FSD1L: variants seen among roughly 807,000 people sequenced by gnomAD.
FSD1L encodes the protein fibronectin type III and SPRY domain containing 1 like, also known as FSD1-like protein.
In FSD1L, 45 loss-of-function variants were observed where a neutral mutation model predicts 71.6. The ratio of observed to expected loss-of-function variants is 0.63; its 90% confidence interval spans 0.49 to 0.81. The LOEUF (loss-of-function observed/expected upper bound fraction) is 0.81, where lower values mean the gene tolerates loss of function less well. Ranked by LOEUF, FSD1L falls within the 30% of genes least tolerant of loss-of-function variation. The pLI is 0.00. For missense variants in FSD1L, 561 were observed against 618.1 expected, an observed-to-expected ratio of 0.91 and a Z score of 0.98; for synonymous variants, 197 against 207.2, an observed-to-expected ratio of 0.95 and a Z score of 0.42.
intron 10 of FSD1L, chr9:105,520,924 G>C: frequency 2.5e-6 from 4 of 1,612,010 alleles, no homozygotes; most frequent in Non-Finnish European, 3.4e-6. Flanking sequence ...CAGGTAAAAA[G>C]TTTAGAATGG....
chr9:105,450,419 A>G (rs1195759939), intron 1 of FSD1L, among the ~76,000 whole-genome samples: 1 of 152,126 alleles, frequency 6.6e-6, no homozygotes. Flanking sequence ...CTCCAGTTCT[A>G]CTATTTATAA....
intron 7 of FSD1L, among the ~76,000 whole-genome samples, chr9:105,497,987 G>A (rs1443975873): frequency 6.6e-6 from 1 of 151,992 alleles, no homozygotes; most frequent in Non-Finnish European, 1.5e-5. Flanking sequence ...AGGACTACAG[G>A]CATGTGCTAC....
At chr9:105,506,375 C>CTTTTTTTTTT in intron 7 of FSD1L, 24 bp from the exon 8 acceptor site, 2 of 1,137,654 alleles carry the variant, frequency 1.8e-6, no homozygotes, top group Non-Finnish European at 1.2e-6. Flanking sequence ...ATGAATGAGT[C>CTTTTTTTTTT]TTTTTTTTTT....
chr9:105,452,817 C>T (rs1408730849), intron 1 of FSD1L, among the ~76,000 whole-genome samples: 1 of 151,854 alleles, frequency 6.6e-6, no homozygotes, highest in Non-Finnish European at 1.5e-5. Flanking sequence ...CCATGGCAAC[C>T]TCTGCTTTCT....
chr9:105,524,272 T>G, intron 10 of FSD1L: 1 of 1,612,626 alleles, frequency 6.2e-7, no homozygotes, highest in South Asian at 1.1e-5. Flanking sequence ...TGTAACATGC[T>G]TCACATGCTG....
Position 105,506,396 on chromosome 9 carries a change from C to G in FSD1L, c.587-3C>G. 1 of 1,530,470 alleles carries G rather than the reference C, an allele frequency of 6.5e-7. No homozygotes were observed. Among genetic ancestry groups the G allele is most frequent in the Admixed American group, 2.1e-5 (1 of 48,124 alleles). 94.8% of individuals were successfully genotyped at this position (1,530,470 alleles called of 1,614,324 possible). A position where few individuals can be genotyped will look rare whatever the true frequency, so the allele number is the denominator to read the frequency against. The stretch of plus-strand genomic sequence containing the variant: ...GAGTCTTTTTTTTTTTTCTTCTTTG[C>G]AGTCCCCAAAGCTCCAGAGATAGAT... On this transcript the variant is annotated splice_polypyrimidine_tract_variant and splice_region_variant and intron_variant, in intron 7 of 13. Transcript: ENST00000481272.
intron 10 of FSD1L, among the ~76,000 whole-genome samples, chr9:105,532,981 A>G (rs540315888): frequency 3.3e-5 from 5 of 152,314 alleles, no homozygotes; most frequent in Admixed American, 2.6e-4. Flanking sequence ...TTTAAGTTTT[A>G]TCTGTATTCT....
At chr9:105,531,115 G>T (rs2131470546) in intron 10 of FSD1L, among the ~76,000 whole-genome samples, 1 of 152,188 alleles carries the variant, frequency 6.6e-6, no homozygotes, top group African/African-American at 2.4e-5. Context: ...TACCTCAGTG[G>T]CTCCTAGCCC....
intron 2 of FSD1L, 46 bp downstream of exon 2, chr9:105,461,661 T>C (rs1273754222): frequency 8.5e-7 from 1 of 1,172,898 alleles, no homozygotes; most frequent in East Asian, 2.6e-5. Flanking sequence ...GAAGATCTGA[T>C]TCAAAATTAG....
chr9:105,460,540 C>T (rs559104513), intron 1 of FSD1L, among the ~76,000 whole-genome samples: 5 of 144,602 alleles, frequency 3.5e-5, no homozygotes, highest in South Asian at 4.3e-4. Flanking sequence ...TGCAGTGAGC[C>T]GAGATTGCAC....
At chr9:105,450,090 CCAGTT>C (rs1366111281) in intron 1 of FSD1L, among the ~76,000 whole-genome samples, 2 of 152,192 alleles carry the variant, frequency 1.3e-5, no homozygotes, top group African/African-American at 4.8e-5. Flanking sequence ...ATGTGTATAA[CCAGTT>C]CAGTGCTCTG....
At chr9:105,525,832 A>C in intron 10 of FSD1L, 2 of 1,605,352 alleles carry the variant, frequency 1.2e-6, no homozygotes, top group South Asian at 2.2e-5. Flanking sequence ...ACAAAAAAAC[A>C]AAAGCACTGG....
intron 5 of FSD1L, 57 bp from the exon 6 acceptor site, chr9:105,479,297 A>T: frequency 6.6e-7 from 1 of 1,508,410 alleles, no homozygotes; most frequent in Non-Finnish European, 9.0e-7. Flanking sequence ...CTGCCATTGA[A>T]ACTTGCATGA....
At position 105,547,377 on chromosome 9, in the gene FSD1L, TA is replaced by T. The variant is rs1370132629; in HGVS notation, c.*897del. The T allele has an allele frequency of 2.0e-5, 3 of 152,496 alleles. No homozygotes were observed. Among genetic ancestry groups the T allele is most frequent in the Admixed American group, 1.3e-4 (2 of 15,258 alleles). 9.4% of individuals were successfully genotyped at this position (152,496 alleles called of 1,614,324 possible). A position where few individuals can be genotyped will look rare whatever the true frequency, so the allele number is the denominator to read the frequency against. On this transcript the variant is annotated 3_prime_UTR_variant, in exon 14 of 14. Transcript: ENST00000481272. ...ATCTCTTATAGGAATCAAAGTTTAT[TA>T]AAGTTACATAGAGGATTGAAAAATG...
At chr9:105,447,324 C>CAAAAAAAAA (rs35514046), upstream of FSD1L, among the ~76,000 whole-genome samples, 4 of 61,556 alleles carry the variant, frequency 6.5e-5, no homozygotes, top group Admixed American at 2.4e-4. Flanking sequence ...ACTCCATCTC[C>CAAAAAAAAA]AAAAAAAAAA....
rs938187204 is a variant in FSD1L, at chr9:105,550,095, G to A, written c.*3612G>A. ...GTGTTTGTGATATGGCAGTAAAAATGTGATTACTTTGTATGTACATTAACC... is the reference window on the plus strand; with the variant it reads ...GTGTTTGTGATATGGCAGTAAAAATATGATTACTTTGTATGTACATTAACC... On this transcript the variant is annotated 3_prime_UTR_variant, in exon 14 of 14. Transcript: ENST00000481272. 6.6e-6 allele frequency: 1 copy of A among 151,984 alleles called. No individual in the cohort carries two copies. The highest frequency in any genetic ancestry group is 2.4e-5 in the African/African-American group (1 of 41,426). The allele number at this position is 151,984 out of a possible 1,614,324, so 9.4% of individuals were successfully genotyped here.
At chr9:105,520,828 C>T (rs1835099964) in intron 10 of FSD1L, 2 of 1,612,240 alleles carry the variant, frequency 1.2e-6, no homozygotes, top group South Asian at 2.2e-5. Context: ...GAAATCACTC[C>T]TCTTGTCCCC....
At chr9:105,509,999 C>G (rs1441482095) in intron 9 of FSD1L, among the ~76,000 whole-genome samples, 3 of 152,128 alleles carry the variant, frequency 2.0e-5, no homozygotes, top group Non-Finnish European at 4.4e-5. Context: ...TCTTTTGTTT[C>G]TTTTCATTTA....
chr9:105,542,726 G>A (rs2518113), intron 13 of FSD1L, among the ~76,000 whole-genome samples: 16,564 of 152,238 alleles, frequency 0.11, 1,182 homozygotes, highest in Admixed American at 0.21. Context: ...AAAATCCTGG[G>A]ATTACAGGCA....
Sources: allele counts gnomAD v4.1 joint callset (sites outside exome capture counted in the v4.1 genomes callset), GRCh38; gene constraint gnomAD v4.1.1; transcripts MANE v1.5; gene names NCBI Gene and HGNC (gene_info 2026-07-23, HGNC 2026-07-21).